Variants in NME7 observed in about 807,000 individuals in gnomAD.
NME7 encodes the protein nucleoside diphosphate kinase 7.
Under a neutral mutation model 49.1 loss-of-function variants are expected in NME7, and 41 were observed. That is an observed-to-expected ratio of 0.83 (90% confidence interval 0.65 to 1.08). The LOEUF (loss-of-function observed/expected upper bound fraction) is 1.08. Ranked by LOEUF, NME7 falls within the 50% of genes least tolerant of loss-of-function variation. The pLI, the probability that NME7 is intolerant of heterozygous loss-of-function variation, is 0.00. For synonymous variants in NME7, 139 were observed against 150.6 expected (o/e 0.92, Z 0.56); for missense variants, 423 against 463.4 (o/e 0.91, Z 0.80).
chr1:169,293,758 T>C (rs1225559782), intron 6 of NME7, among the ~76,000 whole-genome samples: 1 of 152,184 alleles, frequency 6.6e-6, no homozygotes, highest in African/African-American at 2.4e-5. Context: ...ACCCAATTTA[T>C]AGATCAACTT....
chr1:169,234,008 T>C, intron 9 of NME7, among the ~76,000 whole-genome samples: 1 of 152,164 alleles, frequency 6.6e-6, no homozygotes, highest in East Asian at 1.9e-4. Flanking sequence ...TCTTTCAGTG[T>C]TGATTACAGA....
At chr1:169,337,520 G>C (rs1336355285) in intron 1 of NME7, among the ~76,000 whole-genome samples, 1 of 152,176 alleles carries the variant, frequency 6.6e-6, no homozygotes, top group Non-Finnish European at 1.5e-5. Context: ...CCAGAAAGGA[G>C]CTCCCACAGC....
At chr1:169,333,936 G>T (rs1652362659) in intron 1 of NME7, among the ~76,000 whole-genome samples, 1 of 152,132 alleles carries the variant, frequency 6.6e-6, no homozygotes, top group South Asian at 2.1e-4. Flanking sequence ...TATCAGACTT[G>T]TAATTCTAAC....
At chr1:169,247,188 T>A in intron 7 of NME7, 1 of 412,582 alleles carries the variant, frequency 2.4e-6, no homozygotes, top group African/African-American at 2.1e-5. Flanking sequence ...ACTGAGTAGA[T>A]AGGCTGGAAA....
chr1:169,345,862 C>T (rs1192481559), intron 1 of NME7, among the ~76,000 whole-genome samples: 1 of 152,086 alleles, frequency 6.6e-6, no homozygotes, highest in African/African-American at 2.4e-5. Context: ...GCTCCCAGCC[C>T]CCTAACACAA....
chr1:169,260,530 T>C (rs724049), intron 7 of NME7, among the ~76,000 whole-genome samples: 14,663 of 131,042 alleles, frequency 0.11, 3,680 homozygotes, highest in East Asian at 0.75. Flanking sequence ...CATCATGTGT[T>C]CTGAATCCTG....
intron 1 of NME7, among the ~76,000 whole-genome samples, chr1:169,348,812 A>AGG (rs1470476361): frequency 6.6e-6 from 1 of 152,098 alleles, no homozygotes; most frequent in Non-Finnish European, 1.5e-5. Context: ...AAAAATGTAT[A>AGG]TCACCTATAT....
intron 1 of NME7, among the ~76,000 whole-genome samples, chr1:169,350,926 T>C (rs1235205000): frequency 2.6e-5 from 4 of 152,150 alleles, no homozygotes; most frequent in Non-Finnish European, 5.9e-5. Context: ...AGCTATAAAA[T>C]TTGGGAATAA....
chr1:169,313,926 C>T (rs914827090), intron 3 of NME7, among the ~76,000 whole-genome samples: 1 of 151,694 alleles, frequency 6.6e-6, no homozygotes, highest in Non-Finnish European at 1.5e-5. Flanking sequence ...GATGAAAATA[C>T]AATAATGAAA....
intron 7 of NME7, among the ~76,000 whole-genome samples, chr1:169,247,238 G>A (rs1355647815): frequency 6.6e-6 from 1 of 152,184 alleles, no homozygotes; most frequent in African/African-American, 2.4e-5. Context: ...GTCATATGAA[G>A]TCTAAAGTCA....
At chr1:169,235,334 A>G in intron 8 of NME7, 135 bp from the exon 9 acceptor site, 1 of 491,576 alleles carries the variant, frequency 2.0e-6, no homozygotes, top group Admixed American at 4.2e-5. Flanking sequence ...TTACTCTTTG[A>G]AGAAAAAGTG....
chr1:169,291,646 T>TATAATAATAATAATAATA (rs36042457), intron 6 of NME7, among the ~76,000 whole-genome samples: 2 of 149,400 alleles, frequency 1.3e-5, no homozygotes, highest in African/African-American at 4.9e-5. Context: ...GAACTTAAAG[T>TATAATAATAATAATAATA]ATAATAATAA....
chr1:169,246,081 G>A (rs1648301427), intron 7 of NME7, among the ~76,000 whole-genome samples: 1 of 151,990 alleles, frequency 6.6e-6, no homozygotes, highest in African/African-American at 2.4e-5. Flanking sequence ...ATCAATTGCA[G>A]ACAAGAGTCT....
intron 7 of NME7, among the ~76,000 whole-genome samples, chr1:169,275,576 A>G (rs1419743022): frequency 7.8e-6 from 1 of 127,944 alleles, no homozygotes; most frequent in Non-Finnish European, 1.8e-5. Context: ...CAGCTTAAGG[A>G]GATTTTGGGC....
At chr1:169,213,691 T>C (rs545075250) in intron 10 of NME7, among the ~76,000 whole-genome samples, 21 of 152,232 alleles carry the variant, frequency 1.4e-4, no homozygotes, top group African/African-American at 5.1e-4. Context: ...TCCTGGTCTT[T>C]AGCTGGTTGA....
At chr1:169,169,698 G>T in intron 10 of NME7, 144 bp from the exon 11 acceptor site, 1 of 639,370 alleles carries the variant, frequency 1.6e-6, no homozygotes, top group Non-Finnish European at 2.6e-6. Flanking sequence ...GTGGCCCAAT[G>T]TAAAGTCTGC....
chr1:169,153,379 C>T (rs17345156), intron 11 of NME7, among the ~76,000 whole-genome samples: 14,597 of 152,162 alleles, frequency 0.096, 929 homozygotes, highest in Admixed American at 0.2. Flanking sequence ...AATTTATCTC[C>T]CATACTCTAC....
At chr1:169,313,749 C>T (rs1323056221) in intron 3 of NME7, among the ~76,000 whole-genome samples, 1 of 152,030 alleles carries the variant, frequency 6.6e-6, no homozygotes, top group African/African-American at 2.4e-5. Flanking sequence ...GAGAGACCCA[C>T]AAATACTTCA....
intron 10 of NME7, among the ~76,000 whole-genome samples, chr1:169,202,238 TG>T (rs1557985674): frequency 6.6e-6 from 1 of 152,168 alleles, no homozygotes; most frequent in Non-Finnish European, 1.5e-5. Flanking sequence ...GTTTGAATCA[TG>T]GGGGCAGATC....
Sources: gnomAD v4.1 joint callset for allele counts (sites outside exome capture counted in the v4.1 genomes callset) on GRCh38, gnomAD v4.1.1 for gene constraint, MANE v1.5 for transcripts, NCBI Gene and HGNC (gene_info 2026-07-23, HGNC 2026-07-21) for gene names.